The following MORN1 variants were observed in gnomAD, a reference collection of about 807,000 sequenced individuals.
MORN1 encodes MORN repeat containing 1, also known as MORN repeat-containing protein 1.
A neutral mutation model predicts 61.9 loss-of-function variants in MORN1; 67 were observed. The observed-to-expected ratio is 1.08, with a 90% CI of 0.89 to 1.33. The LOEUF (loss-of-function observed/expected upper bound fraction) is 1.33, where lower values mean the gene tolerates loss of function less well. MORN1 is among the 40% of genes most tolerant of loss of function. MORN1 has a pLI of 0.00. For synonymous variants in MORN1, 301 were observed against 292.0 expected, an observed-to-expected ratio of 1.03 and a Z score of -0.31; for missense variants, 752 against 691.2, an observed-to-expected ratio of 1.09 and a Z score of -0.99.
chr1:2,356,164 G>A (rs1036494933), intron 10 of MORN1, among the ~76,000 whole-genome samples: 4 of 152,174 alleles, frequency 2.6e-5, no homozygotes, highest in Non-Finnish European at 5.9e-5. Context: ...CGGCCGCCTG[G>A]TGGTGCCATC....
At chr1:2,325,516 T>A (rs1475930348) in intron 12 of MORN1, among the ~76,000 whole-genome samples, 2 of 151,780 alleles carry the variant, frequency 1.3e-5, no homozygotes, top group Non-Finnish European at 2.9e-5. Context: ...GCCCAGATAA[T>A]TAAAAAAATT....
chr1:2,354,898 G>A (rs1028248075), intron 10 of MORN1, among the ~76,000 whole-genome samples: 2 of 152,212 alleles, frequency 1.3e-5, no homozygotes, highest in African/African-American at 4.8e-5. Flanking sequence ...AAGCCCCAGC[G>A]GGTCTTACAA....
chr1:2,323,542 G>C lies in MORN1; in HGVS notation c.1297+555C>G. On this transcript the variant is annotated intron_variant, in intron 13 of 13. Coordinates refer to ENST00000378531, the MANE Select transcript of MORN1 (RefSeq NM_024848.3). ...CCTGGCATTCGGCCCCTCTGGCTTG[G>C]TGGGGGGGTGCCAGGCCCAGGCTGT... The C allele has an allele frequency of 3.0e-6, 3 of 985,374 alleles. No homozygotes were observed. The South Asian group carries it at 1.4e-4, about 46-fold the overall frequency. The allele number at this position is 985,374 out of a possible 1,614,324, so 61.0% of individuals were successfully genotyped here.
chr1:2,355,869 C>T (rs897704766), intron 10 of MORN1, among the ~76,000 whole-genome samples: 22 of 152,192 alleles, frequency 1.4e-4, no homozygotes, highest in Non-Finnish European at 1.0e-4. Context: ...CTGGGGTCTG[C>T]GGCACCCTTG....
rs562107001 is a variant in MORN1 at position 2,327,797 on chromosome 1, C to T, written c.1251-3654G>A. On this transcript the variant is annotated intron_variant, in intron 12 of 13. Coordinates refer to ENST00000378531, the MANE Select transcript of MORN1 (RefSeq NM_024848.3). ...TCCCTCCTCTTGCCTGTGCCTCTGG[C>T]GGTGACCAGAATGGCCCATTGGCCG... is the stretch of plus-strand genomic sequence containing the variant. Among the ~76,000 whole-genome samples the T allele has an allele frequency of 3.3e-5, 5 of 152,372 alleles. No homozygotes were observed. The South Asian group carries it at 8.3e-4, about 25-fold the overall frequency.
At chr1:2,380,447 G>C (rs1642346810) in intron 6 of MORN1, among the ~76,000 whole-genome samples, 2 of 152,184 alleles carry the variant, frequency 1.3e-5, no homozygotes, top group African/African-American at 4.8e-5. Flanking sequence ...GATTAGCCTG[G>C]GCAACACAGT....
intron 13 of MORN1, chr1:2,323,763 C>T (rs1479922095): frequency 2.0e-6 from 2 of 985,246 alleles, no homozygotes; most frequent in Non-Finnish European, 2.4e-6. Flanking sequence ...TGGGCCTTGA[C>T]AGCTCCCCTC....
At chr1:2,335,779 T>C (rs1237673019) in intron 12 of MORN1, among the ~76,000 whole-genome samples, 3 of 149,512 alleles carry the variant, frequency 2.0e-5, no homozygotes, top group Admixed American at 6.6e-5. Context: ...AGGCGAGGGC[T>C]GGTGGGACGG....
At chr1:2,351,752 C>T (rs1381453023) in intron 10 of MORN1, 2 of 554,808 alleles carry the variant, frequency 3.6e-6, no homozygotes, top group Non-Finnish European at 7.1e-6. Flanking sequence ...TATTCATATG[C>T]TTGTCAAAAG....
Position 2,334,368 on chromosome 1 carries a change from T to C in MORN1, c.1250+2101A>G, listed in dbSNP as rs1263288536. Among the ~76,000 whole-genome samples, 2 of 152,142 alleles carry C rather than the reference T, an allele frequency of 1.3e-5. No individual in the cohort carries two copies. Among genetic ancestry groups the C allele is most frequent in the Admixed American group, 1.3e-4 (2 of 15,280 alleles). ...TAAGTCGCTGCCGCCCCATGATCCA[T>C]GGCGGAGAGGCCTGCAAGTGTGCAG... On this transcript the variant is annotated intron_variant, in intron 12 of 13. Coordinates refer to ENST00000378531, the MANE Select transcript of MORN1 (RefSeq NM_024848.3). This position sits in a 1 kb window ranked among gnomAD's most constrained non-coding sequence, Gnocchi z 5.4.
intron 5 of MORN1, chr1:2,385,281 T>C: frequency 1.7e-6 from 1 of 586,052 alleles, no homozygotes; most frequent in East Asian, 2.8e-5. Flanking sequence ...CCCTAGATGG[T>C]AGGCCTGCTC....
At chr1:2,355,545 C>T (rs973534642) in intron 10 of MORN1, 69 of 1,493,146 alleles carry the variant, frequency 4.6e-5, no homozygotes, top group Non-Finnish European at 5.8e-5. Context: ...GGCAGGGGCA[C>T]GGGCATGGAG....
chr1:2,360,667 A>C (rs1288497247), intron 8 of MORN1, among the ~76,000 whole-genome samples: 1 of 151,594 alleles, frequency 6.6e-6, no homozygotes, highest in Non-Finnish European at 1.5e-5. Context: ...AGGACCCTGC[A>C]GCCCGCAGGA....
chr1:2,345,084 C>A (rs1320423584), intron 10 of MORN1, among the ~76,000 whole-genome samples: 2 of 151,934 alleles, frequency 1.3e-5, no homozygotes, highest in Non-Finnish European at 2.9e-5. Context: ...GGAGGGTCCA[C>A]GCGTGCTCAC....
At chr1:2,380,140 C>T (rs76146710) in intron 6 of MORN1, among the ~76,000 whole-genome samples, 96 of 152,250 alleles carry the variant, frequency 6.3e-4, no homozygotes, top group African/African-American at 2.3e-3. Context: ...AAGCCTGGCA[C>T]GAAAGGACAC....
chr1:2,321,621 C>G, intron 13 of MORN1, 42 bp from the exon 14 acceptor site: 1 of 1,435,886 alleles, frequency 7.0e-7, no homozygotes, highest in South Asian at 1.5e-5. Context: ...GGCTCCTGTC[C>G]CTTCCCCTCC....
chr1:2,324,645 G>T (rs1187222631), intron 12 of MORN1, among the ~76,000 whole-genome samples: 1 of 152,182 alleles, frequency 6.6e-6, no homozygotes, highest in East Asian at 1.9e-4. Context: ...ACCTGGGAGT[G>T]CCATGACTGG....
intron 10 of MORN1, chr1:2,351,625 G>A (rs748832784): frequency 4.7e-5 from 14 of 297,874 alleles, no homozygotes; most frequent in Admixed American, 1.3e-4. Flanking sequence ...TGAGTGTGGC[G>A]CCCCCAGCAA....
intron 10 of MORN1, among the ~76,000 whole-genome samples, chr1:2,347,255 G>T (rs1273393430): frequency 1.3e-5 from 2 of 152,220 alleles, no homozygotes; most frequent in Non-Finnish European, 2.9e-5. Flanking sequence ...TCTGTTCAGA[G>T]GCTGCGACTG....
Sources: gnomAD v4.1 joint callset for allele counts (sites outside exome capture counted in the v4.1 genomes callset) on GRCh38, gnomAD v4.1.1 for gene constraint, Gnocchi (gnomAD v3.1) non-coding constraint, MANE v1.5 for transcripts, NCBI Gene and HGNC (gene_info 2026-07-23, HGNC 2026-07-21) for gene names.